Variants in INTS6L observed in about 807,000 individuals in gnomAD.
The protein encoded by INTS6L is integrator complex subunit 6 like, also known as integrator complex subunit 6-like.
In INTS6L, 18 loss-of-function variants were observed where a neutral mutation model predicts 64.7. The observed-to-expected ratio is 0.28, with a 90% CI of 0.19 to 0.41. INTS6L has a LOEUF of 0.41. Ranked by LOEUF, INTS6L falls within the 10% of genes least tolerant of loss-of-function variation. INTS6L has a pLI of 1.00. For synonymous variants in INTS6L, 227 were observed against 235.9 expected (o/e 0.96, Z 0.34); for missense variants, 533 against 661.0 (o/e 0.81, Z 2.12).
At chrX:135,556,379 A>G in intron 9 of INTS6L, 79 bp downstream of exon 9, 2 of 878,915 alleles carry the variant, frequency 2.3e-6, no homozygotes, top group Admixed American at 4.0e-5. Context: ...AGCATTTTAA[A>G]TGTAGATGAC....
chrX:135,527,546 C>G (rs979405332), intron 2 of INTS6L, among the ~76,000 whole-genome samples: 12 of 111,937 alleles, frequency 1.1e-4, no homozygotes, highest in African/African-American at 3.9e-4. Flanking sequence ...GCACAGGACT[C>G]TGAGAATCTG....
chrX:135,552,682 A>G (rs184655440), intron 8 of INTS6L, among the ~76,000 whole-genome samples: 8 of 112,584 alleles, frequency 7.1e-5, no homozygotes, highest in African/African-American at 6.4e-5. Context: ...AGAGATATCT[A>G]TCATACACTG....
rs782341893 is a variant in INTS6L, at chrX:135,556,549, C to T, written c.1192+249C>T. ...TGCAACTTCCAATGCACACCCCACC[C>T]CCAATCCCCAGTTTGAAGTGCACTT... is the stretch of plus-strand genomic sequence containing the variant. On this transcript the variant is annotated intron_variant, in intron 9 of 17. Transcript: ENST00000639893. 6.3e-5 allele frequency among the ~76,000 whole-genome samples: 7 copies of T among 111,495 alleles called. No individual in the cohort carries two copies. In the East Asian group the frequency reaches 2.0e-3, roughly 31 times the overall value.
rs150106010 is a variant in INTS6L at position 135,556,390 on chromosome X, G to A, written c.1192+90G>A. 1,018 of 827,300 alleles carry A rather than the reference G, an allele frequency of 1.2e-3. 6 individuals carry two copies. In the African/African-American group the frequency reaches 0.018, roughly 15 times the overall value. 68.2% of individuals were successfully genotyped at this position (827,300 alleles called of 1,213,427 possible). A position where few individuals can be genotyped will look rare whatever the true frequency, so the allele number is the denominator to read the frequency against. On this transcript the variant is annotated intron_variant, in intron 9 of 17. Transcript: ENST00000639893. ...ACTAAGCATTTTAAATGTAGATGACGGTAACAAATTGATTTGAAAGGATAG... is the reference window on the plus strand; with the variant it reads ...ACTAAGCATTTTAAATGTAGATGACAGTAACAAATTGATTTGAAAGGATAG...
Position 135,579,944 on chromosome X carries a change from C to T in INTS6L, c.2276C>T (p.Thr759Ile), listed in dbSNP as rs968936469. The change falls in exon 16 of 18, where the codon ACA becomes ATA. Residue 759 changes from threonine to isoleucine, a missense_variant. Physicochemically the swap from Thr to Ile is moderately conservative, Grantham distance 89. Coordinates refer to ENST00000639893, the MANE Select transcript of INTS6L (RefSeq NM_001351601.3). The part of the protein sequence containing the change: ...NQVDSLSDDF[T>I]SLSKDGLIQK... ...GTGGATTCTCTGTCTGACGACTTCA[C>T]AAGTCTCAGCAAAGATGGGCTGATT... 2 of 1,211,536 alleles carry T rather than the reference C, an allele frequency of 1.7e-6. No homozygotes were observed. Among genetic ancestry groups the T allele is most frequent in the Non-Finnish European group, 2.2e-6 (2 of 895,448 alleles).
At chrX:135,558,544 A>G (rs1434376618) in intron 9 of INTS6L, among the ~76,000 whole-genome samples, 1 of 111,853 alleles carries the variant, frequency 8.9e-6, no homozygotes, top group African/African-American at 3.2e-5. Context: ...CAAATATTGT[A>G]TGATTCCACT....
chrX:135,553,971 C>CT (rs782532207), intron 8 of INTS6L, among the ~76,000 whole-genome samples: 153 of 111,639 alleles, frequency 1.4e-3, no homozygotes, highest in African/African-American at 4.7e-3. Context: ...CTTTATGTTA[C>CT]TTTTTTTAGA....
intron 9 of INTS6L, among the ~76,000 whole-genome samples, chrX:135,560,974 A>G (rs1242002914): frequency 5.9e-5 from 4 of 67,832 alleles, no homozygotes; most frequent in Non-Finnish European, 8.0e-5. Flanking sequence ...TTTTTTTGAG[A>G]TGGAATCTTG....
intron 2 of INTS6L, among the ~76,000 whole-genome samples, chrX:135,525,330 T>C (rs2148556835): frequency 8.9e-6 from 1 of 112,578 alleles, no homozygotes; most frequent in South Asian, 3.6e-4. Context: ...ATTATTTCTT[T>C]TTTGTTGAAG....
intron 16 of INTS6L, among the ~76,000 whole-genome samples, chrX:135,580,373 G>T (rs1266038178): frequency 8.9e-6 from 1 of 112,047 alleles, no homozygotes; most frequent in Non-Finnish European, 1.9e-5. Flanking sequence ...TCCTTTTGCT[G>T]CCGTAACAAG....
At chrX:135,548,826 A>C (rs984549269) in intron 6 of INTS6L, among the ~76,000 whole-genome samples, 1 of 112,416 alleles carries the variant, frequency 8.9e-6, no homozygotes, top group Non-Finnish European at 1.9e-5. Flanking sequence ...TCATTAAAGC[A>C]TATCTTTTAC....
At chrX:135,573,123 A>G (rs911382536) in intron 12 of INTS6L, 90 bp downstream of exon 12, 2 of 824,816 alleles carry the variant, frequency 2.4e-6, no homozygotes, top group African/African-American at 2.1e-5. Flanking sequence ...AATAATGGAC[A>G]ATCCTATTTT....
At chrX:135,532,066 G>A (rs1334478528) in intron 2 of INTS6L, among the ~76,000 whole-genome samples, 4 of 112,199 alleles carry the variant, frequency 3.6e-5, no homozygotes, top group African/African-American at 1.3e-4. Context: ...TGTTTGATTA[G>A]TCTGAACTCT....
At chrX:135,544,972 G>A (rs1036864018) in intron 2 of INTS6L, among the ~76,000 whole-genome samples, 10 of 112,141 alleles carry the variant, frequency 8.9e-5, no homozygotes, top group Admixed American at 1.9e-4. Flanking sequence ...TGAAAATATT[G>A]CTTCGGTGGA....
chrX:135,538,636 C>G (rs185218137), intron 2 of INTS6L, among the ~76,000 whole-genome samples: 1 of 112,328 alleles, frequency 8.9e-6, no homozygotes, highest in Admixed American at 9.4e-5. Context: ...TTTTCCCAGA[C>G]GCATCACAGG....
chrX:135,547,585 T>C (rs1457225448), intron 6 of INTS6L, among the ~76,000 whole-genome samples: 1 of 112,254 alleles, frequency 8.9e-6, no homozygotes, highest in Non-Finnish European at 1.9e-5. Context: ...CACTATGGTG[T>C]ACACTTAAAT....
At chrX:135,575,920 A>G (rs781980974) in intron 14 of INTS6L, among the ~76,000 whole-genome samples, 65 of 111,762 alleles carry the variant, frequency 5.8e-4, no homozygotes, top group Non-Finnish European at 5.6e-4. Context: ...CTCAGACCAC[A>G]CAATAATCTC....
At chrX:135,527,334 A>G (rs1312701426) in intron 2 of INTS6L, among the ~76,000 whole-genome samples, 3 of 112,412 alleles carry the variant, frequency 2.7e-5, no homozygotes, top group African/African-American at 9.7e-5. Flanking sequence ...CCTCTGCACC[A>G]GGCTCTGTTA....
chrX:135,553,563 A>G (rs781944557), intron 8 of INTS6L, among the ~76,000 whole-genome samples: 1 of 105,799 alleles, frequency 9.5e-6, no homozygotes, highest in Admixed American at 1.0e-4. Context: ...GGCTCAAGCA[A>G]TCCTCCCACC....
Sources: allele counts gnomAD v4.1 joint callset (sites outside exome capture counted in the v4.1 genomes callset), GRCh38; gene constraint gnomAD v4.1.1; transcripts MANE v1.5; gene names NCBI Gene and HGNC (gene_info 2026-07-23, HGNC 2026-07-21).